Variants in MSI2 observed in about 807,000 individuals in gnomAD.
The protein encoded by MSI2 is musashi RNA binding protein 2.
In MSI2, 17 loss-of-function variants were observed where a neutral mutation model predicts 45.6. The ratio of observed to expected loss-of-function variants is 0.37; its 90% CI spans 0.26 to 0.56. MSI2 has a LOEUF of 0.56. Ranked by LOEUF, MSI2 falls within the 20% of genes least tolerant of loss-of-function variation. The pLI is 0.77. For synonymous variants in MSI2, 156 were observed against 158.2 expected (o/e 0.99, Z 0.11); for missense variants, 293 against 444.2 (o/e 0.66, Z 3.06).
At chr17:57,413,362 C>T (rs1193342810) in intron 6 of MSI2, among the ~76,000 whole-genome samples, 4 of 152,066 alleles carry the variant, frequency 2.6e-5, no homozygotes, top group East Asian at 1.9e-4. Flanking sequence ...GAGTTCCATC[C>T]GGCTACCCCG....
At chr17:57,471,465 A>AT (rs1458517062) in intron 6 of MSI2, among the ~76,000 whole-genome samples, 1 of 151,556 alleles carries the variant, frequency 6.6e-6, no homozygotes, top group Admixed American at 6.6e-5. Flanking sequence ...TAATTTTTGT[A>AT]TTTTTAGTAG....
chr17:57,312,626 AT>A (rs892962181), intron 5 of MSI2, among the ~76,000 whole-genome samples: 4 of 152,296 alleles, frequency 2.6e-5, no homozygotes, highest in African/African-American at 9.6e-5. Flanking sequence ...GGAAAAGAAA[AT>A]TCTCTGAAGA....
intron 5 of MSI2, among the ~76,000 whole-genome samples, chr17:57,347,652 G>A (rs1323467557): frequency 6.6e-6 from 1 of 152,066 alleles, no homozygotes. Context: ...TCACTCCCTG[G>A]GATTTCTACC....
chr17:57,302,945 A>G (rs1216603857), intron 5 of MSI2, among the ~76,000 whole-genome samples: 1 of 152,222 alleles, frequency 6.6e-6, no homozygotes, highest in Non-Finnish European at 1.5e-5. Context: ...CCCAAGGTAG[A>G]AACTGGCCGA....
chr17:57,370,588 A>T (rs1323927460), intron 5 of MSI2, among the ~76,000 whole-genome samples: 1 of 152,198 alleles, frequency 6.6e-6, no homozygotes, highest in African/African-American at 2.4e-5. Context: ...AATGATGGCC[A>T]GTTGACCACA....
chr17:57,400,772 G>A (rs1378800556), intron 5 of MSI2, among the ~76,000 whole-genome samples: 1 of 152,094 alleles, frequency 6.6e-6, no homozygotes, highest in Non-Finnish European at 1.5e-5. Context: ...AGGAACGAAA[G>A]TGTAGGGATC....
rs546870411 is a variant in MSI2, at chr17:57,632,816, G to A, written c.727+5513G>A. The A allele has an allele frequency of 9.7e-5, 103 of 1,065,398 alleles. No homozygotes were observed. In the East Asian group the frequency reaches 4.6e-3, roughly 47 times the overall value. 66.0% of individuals were successfully genotyped at this position (1,065,398 alleles called of 1,614,324 possible). A position where few individuals can be genotyped will look rare whatever the true frequency, so the allele number is the denominator to read the frequency against. On this transcript the variant is annotated intron_variant, in intron 10 of 13. Transcript: ENST00000284073. ...CACGCTTCCATTTGATGCATTTGAT[G>A]TGAGTGAATCCATACATTTGAATGT...
intron 11 of MSI2, among the ~76,000 whole-genome samples, chr17:57,660,204 C>T (rs1911890296): frequency 6.6e-6 from 1 of 152,116 alleles, no homozygotes; most frequent in African/African-American, 2.4e-5. Context: ...CTCATGGTGG[C>T]AAAATGATTG....
intron 6 of MSI2, among the ~76,000 whole-genome samples, chr17:57,455,583 CCT>C (rs1312034829): frequency 6.6e-6 from 1 of 152,156 alleles, no homozygotes; most frequent in Non-Finnish European, 1.5e-5. Flanking sequence ...CCTCATGCCC[CCT>C]GAGTGGAGAA....
intron 7 of MSI2, among the ~76,000 whole-genome samples, chr17:57,537,209 A>G (rs2086939007): frequency 6.6e-6 from 1 of 152,162 alleles, no homozygotes; most frequent in Non-Finnish European, 1.5e-5. Flanking sequence ...TCAGAACCCA[A>G]GGTTCTGTGC....
intron 5 of MSI2, chr17:57,279,431 A>C (rs1225531794): frequency 3.3e-5 from 5 of 152,174 alleles, no homozygotes; most frequent in Non-Finnish European, 5.9e-5. Flanking sequence ...GGGGTGTAGC[A>C]CATTGCTCCT....
chr17:57,360,524 C>T (rs1439158417), intron 5 of MSI2, among the ~76,000 whole-genome samples: 2 of 152,216 alleles, frequency 1.3e-5, no homozygotes, highest in Non-Finnish European at 2.9e-5. Context: ...GCTCTCCTGG[C>T]CCGTGAGGGC....
chr17:57,471,084 G>A (rs955831584), intron 6 of MSI2, among the ~76,000 whole-genome samples: 1 of 152,116 alleles, frequency 6.6e-6, no homozygotes, highest in Non-Finnish European at 1.5e-5. Flanking sequence ...ACCCCATGTG[G>A]CATGTAACCC....
Position 57,365,443 on chromosome 17 carries a change from C to T in MSI2, c.313-35936C>T, listed in dbSNP as rs1016931910. Among the ~76,000 whole-genome samples the T allele has an allele frequency of 4.6e-5, 7 of 152,122 alleles. No individual in the cohort carries two copies. The South Asian group carries it at 6.2e-4, about 14-fold the overall frequency. On this transcript the variant is annotated intron_variant, in intron 5 of 13. Transcript: ENST00000284073. Reference sequence around the variant, plus strand: ...TGAAGGAAGACACTATTCCTGCCTGCGTGGAGCTCACAGGAAAGTGTGGGG... The same window carrying T: ...TGAAGGAAGACACTATTCCTGCCTGTGTGGAGCTCACAGGAAAGTGTGGGG...
intron 7 of MSI2, among the ~76,000 whole-genome samples, chr17:57,565,135 C>T (rs944019241): frequency 6.6e-6 from 1 of 152,192 alleles, no homozygotes; most frequent in South Asian, 2.1e-4. Flanking sequence ...ACTTGAGAGC[C>T]AGGGTGCCTG....
chr17:57,319,046 T>G (rs547646074), intron 5 of MSI2, among the ~76,000 whole-genome samples: 3 of 152,298 alleles, frequency 2.0e-5, no homozygotes, highest in Non-Finnish European at 1.5e-5. Context: ...AAAGTGTGTG[T>G]GGGGAGCTGT....
intron 12 of MSI2, among the ~76,000 whole-genome samples, chr17:57,676,129 G>A (rs565227448): frequency 2.0e-3 from 309 of 152,360 alleles, no homozygotes; most frequent in African/African-American, 5.3e-3. Flanking sequence ...TGGGGGCCAC[G>A]CTGCGGAGAA....
intron 6 of MSI2, among the ~76,000 whole-genome samples, chr17:57,525,949 G>A (rs1034788242): frequency 5.9e-5 from 9 of 152,154 alleles, no homozygotes; most frequent in Admixed American, 5.9e-4. Context: ...GTTCCTGGCC[G>A]GGCACAGTGG....
chr17:57,453,704 G>A (rs1033435571), intron 6 of MSI2, among the ~76,000 whole-genome samples: 5 of 152,138 alleles, frequency 3.3e-5, no homozygotes, highest in Non-Finnish European at 5.9e-5. Context: ...CAAGCTTGTG[G>A]GGAGTTATTT....
Sources: gnomAD v4.1 joint callset for allele counts (sites outside exome capture counted in the v4.1 genomes callset) on GRCh38, gnomAD v4.1.1 for gene constraint, MANE v1.5 for transcripts, NCBI Gene and HGNC (gene_info 2026-07-23, HGNC 2026-07-21) for gene names.